KIFC3: variants seen among roughly 807,000 people sequenced by gnomAD.
The protein encoded by KIFC3 is kinesin-like protein KIFC3.
A neutral mutation model predicts 101.8 loss-of-function variants in KIFC3; 60 were observed. The observed-to-expected ratio is 0.59, with a 90% CI of 0.48 to 0.73. KIFC3 has a LOEUF of 0.73. Among genes scored for constraint, KIFC3 ranks in the 30% least tolerant of loss-of-function variants. The pLI, the probability that KIFC3 is intolerant of heterozygous loss-of-function variation, is 0.00. For synonymous variants in KIFC3, 476 were observed against 482.7 expected (o/e 0.99, Z 0.18); for missense variants, 966 against 1,137.1 (o/e 0.85, Z 2.16).
intron 10 of KIFC3, among the ~76,000 whole-genome samples, chr16:57,766,646 G>C (rs936398812): frequency 6.6e-6 from 1 of 152,190 alleles, no homozygotes; most frequent in Non-Finnish European, 1.5e-5. Flanking sequence ...CCCAGGCACT[G>C]GGGCCAGGGC....
At chr16:57,759,323 C>T (rs1246255553) in intron 18 of KIFC3, 170 bp from the exon 19 acceptor site, 1 of 772,148 alleles carries the variant, frequency 1.3e-6, no homozygotes, top group Non-Finnish European at 2.1e-6. Flanking sequence ...GGGCTCACTC[C>T]TCACCTAGGA....
At chr16:57,784,795 CAGA>C (rs146011893) in intron 3 of KIFC3, among the ~76,000 whole-genome samples, 2,915 of 151,820 alleles carry the variant, frequency 0.019, 107 homozygotes, top group African/African-American at 0.067. Flanking sequence ...CATGGAGATG[CAGA>C]AGGAGAAGAA....
At chr16:57,811,670 C>T (rs1249766125) in intron 1 of KIFC3, among the ~76,000 whole-genome samples, 2 of 152,032 alleles carry the variant, frequency 1.3e-5, no homozygotes, top group African/African-American at 4.8e-5. Context: ...AATCCTAGCA[C>T]TTTGGGAGGC....
intron 1 of KIFC3, among the ~76,000 whole-genome samples, chr16:57,817,492 C>T (rs2055254528): frequency 6.6e-6 from 1 of 152,154 alleles, no homozygotes; most frequent in Admixed American, 6.5e-5. Context: ...GGAGAGAATC[C>T]TTCTTTTCCT....
chr16:57,758,483 C>T lies in KIFC3; in HGVS notation c.*451G>A. On this transcript the variant is annotated 3_prime_UTR_variant, in exon 20 of 20. Coordinates refer to ENST00000445690, the MANE Select transcript of KIFC3 (RefSeq NM_001130100.2). ...GCGGGGAGGGCTGCCATTGGTGCCA[C>T]CAACCCACCCCAGTCCCCATGGTTC... The T allele has an allele frequency of 2.4e-6, 1 of 418,140 alleles. No individual in the cohort carries two copies. The highest frequency in any genetic ancestry group is 3.4e-5 in the Admixed American group (1 of 29,054). 25.9% of individuals were successfully genotyped at this position (418,140 alleles called of 1,614,324 possible).
At chr16:57,783,929 C>T (rs558455499) in intron 3 of KIFC3, among the ~76,000 whole-genome samples, 3 of 152,210 alleles carry the variant, frequency 2.0e-5, no homozygotes, top group Non-Finnish European at 2.9e-5. Context: ...CCCCCCAAGG[C>T]GCTTGAGCCA....
At chr16:57,842,961 C>T (rs2055842371) in intron 1 of KIFC3, among the ~76,000 whole-genome samples, 1 of 151,994 alleles carries the variant, frequency 6.6e-6, no homozygotes, top group Admixed American at 6.6e-5. Context: ...GGTGAAACCC[C>T]GTCTCTACTA....
chr16:57,811,308 A>G (rs1200409973), intron 1 of KIFC3, among the ~76,000 whole-genome samples: 3 of 152,216 alleles, frequency 2.0e-5, no homozygotes, highest in Non-Finnish European at 2.9e-5. Flanking sequence ...TAAATATACT[A>G]AAAACTATTG....
intron 18 of KIFC3, chr16:57,759,361 C>T: frequency 1.6e-6 from 1 of 629,772 alleles, no homozygotes; most frequent in Non-Finnish European, 2.8e-6. Context: ...CTTTCTACCC[C>T]CGGGGCAGCT....
At chr16:57,761,254 T>C (rs577432006) in intron 14 of KIFC3, 83 bp from the exon 15 acceptor site, 18 of 1,586,846 alleles carry the variant, frequency 1.1e-5, no homozygotes, top group South Asian at 1.1e-4. Flanking sequence ...CCATGAGGAG[T>C]GGCACCACCC....
chr16:57,771,856 C>T (rs917660417), intron 4 of KIFC3, among the ~76,000 whole-genome samples, 170 bp from the exon 5 acceptor site: 1 of 152,150 alleles, frequency 6.6e-6, no homozygotes, highest in African/African-American at 2.4e-5. Context: ...GAGGAGGGAA[C>T]AAGCTCAAGA....
intron 1 of KIFC3, among the ~76,000 whole-genome samples, chr16:57,815,922 G>A (rs1475499412): frequency 2.6e-5 from 4 of 152,178 alleles, no homozygotes; most frequent in South Asian, 2.1e-4. Flanking sequence ...CGGATACCCC[G>A]GGGTCCATTT....
intron 2 of KIFC3, 78 bp downstream of exon 2, chr16:57,797,994 G>A: frequency 6.5e-7 from 1 of 1,548,756 alleles, no homozygotes; most frequent in Non-Finnish European, 8.7e-7. Flanking sequence ...TTAGGAACCG[G>A]TGAGAAACCT....
chr16:57,782,672 G>T (rs916937427), intron 3 of KIFC3, among the ~76,000 whole-genome samples: 1 of 152,220 alleles, frequency 6.6e-6, no homozygotes, highest in East Asian at 1.9e-4. Context: ...GGCTGGGCGC[G>T]GTGGCTCACG....
At chr16:57,798,660 A>T (rs2054533580) in intron 1 of KIFC3, 1 of 289,058 alleles carries the variant, frequency 3.5e-6, no homozygotes, top group Admixed American at 5.0e-5. Context: ...CCTCCAAGAC[A>T]TCTAATTTTC....
chr16:57,764,033 A>C (rs1191107079), intron 12 of KIFC3, 110 bp downstream of exon 12: 1 of 788,410 alleles, frequency 1.3e-6, no homozygotes. Flanking sequence ...CTGGGTTGTG[A>C]GGACCAAATG....
intron 2 of KIFC3, 84 bp from the exon 3 acceptor site, chr16:57,795,225 C>A: frequency 6.7e-7 from 1 of 1,492,302 alleles, no homozygotes; most frequent in Non-Finnish European, 9.0e-7. Context: ...AGGGCCGCAG[C>A]TGAGCTCAGC....
At position 57,771,335 on chromosome 16, in the gene KIFC3, C is replaced by G. The variant is rs782498903; in HGVS notation, c.628G>C (p.Asp210His). 6.2e-7 allele frequency: 1 copy of G among 1,613,784 alleles called. No individual in the cohort carries two copies. The highest frequency in any genetic ancestry group is 1.1e-5 in the South Asian group (1 of 91,076). Residue 210 changes from aspartate (D) to histidine (H), a missense_variant, in exon 6 of 20, where the codon GAC (aspartate) becomes CAC (histidine). Coordinates refer to ENST00000445690, the MANE Select transcript of KIFC3 (RefSeq NM_001130100.2). ...CGCAGCTCCACCTCAGCCAGCCGGT[C>G]GGTCTTCTGCTGCACCTCTAGGTTC... ...ELNLEVQQKT[D>H]RLAEVELRLK...
Position 57,758,310 on chromosome 16 carries a change from G to C in KIFC3, c.*624C>G. 1 of 248,678 alleles carries C rather than the reference G, an allele frequency of 4.0e-6. No individual in the cohort carries two copies. The highest frequency in any genetic ancestry group is 8.0e-6 in the Non-Finnish European group (1 of 124,386). 15.4% of individuals were successfully genotyped at this position (248,678 alleles called of 1,614,324 possible). ...ATTTCAGAGGGAAGAAAATTCGAGA[G>C]ACCAGCGAGCCAGGCAGGTGAGCGA... is the stretch of plus-strand genomic sequence containing the variant. On this transcript the variant is annotated 3_prime_UTR_variant, in exon 20 of 20. Coordinates refer to ENST00000445690, the MANE Select transcript of KIFC3 (RefSeq NM_001130100.2).
Sources: gnomAD v4.1 joint callset for allele counts (sites outside exome capture counted in the v4.1 genomes callset) on GRCh38, gnomAD v4.1.1 for gene constraint, MANE v1.5 for transcripts, NCBI Gene and HGNC (gene_info 2026-07-23, HGNC 2026-07-21) for gene names.